The following CCDC122 variants were observed in gnomAD, a reference collection of about 807,000 sequenced individuals.
CCDC122 encodes coiled-coil domain-containing protein 122.
In CCDC122, 38 loss-of-function variants were observed where a neutral mutation model predicts 37.0. That is an observed-to-expected ratio of 1.03 (90% CI 0.79 to 1.35). The LOEUF is 1.35. Ranked by LOEUF, CCDC122 falls within the 40% of genes most tolerant of loss-of-function variation. CCDC122 has a pLI of 0.00. For synonymous variants in CCDC122, 83 were observed against 95.6 expected, an observed-to-expected ratio of 0.87 and a Z score of 0.77; for missense variants, 305 against 310.0, an observed-to-expected ratio of 0.98 and a Z score of 0.12.
intron 3 of CCDC122, among the ~76,000 whole-genome samples, chr13:43,825,948 T>C (rs1953036086): frequency 6.6e-6 from 1 of 152,102 alleles, no homozygotes. Flanking sequence ...TAAACATTTT[T>C]AGAAAAGAAG....
Position 43,836,406 on chromosome 13 carries a change from T to C in CCDC122, c.*874A>G, listed in dbSNP as rs1200956630. 1.3e-5 allele frequency: 2 copies of C among 152,246 alleles called. No homozygotes were observed. The highest frequency in any genetic ancestry group is 1.5e-5 in the Non-Finnish European group (1 of 68,020). The allele number at this position is 152,246 out of a possible 1,614,324, so 9.4% of individuals were successfully genotyped here. On this transcript the variant is annotated 3_prime_UTR_variant, in exon 7 of 7. Coordinates refer to ENST00000444614, the MANE Select transcript of CCDC122 (RefSeq NM_144974.5). ...CATCGTATCACTCAAAATATGTTAT[T>C]TTATAACAAAGAAAAATGATTGTTA... is the stretch of plus-strand genomic sequence containing the variant.
intron 3 of CCDC122, among the ~76,000 whole-genome samples, chr13:43,830,159 A>T (rs147188534): frequency 6.6e-5 from 10 of 152,306 alleles, no homozygotes; most frequent in South Asian, 2.1e-4. Flanking sequence ...TACAGGAGTG[A>T]GCCACCGCGC....
At chr13:43,869,147 A>T (rs1459230936) in intron 3 of CCDC122, among the ~76,000 whole-genome samples, 184 bp downstream of exon 3, 1 of 151,926 alleles carries the variant, frequency 6.6e-6, no homozygotes, top group Non-Finnish European at 1.5e-5. Flanking sequence ...ATGCATTTTC[A>T]TTGTAGGTCT....
At chr13:43,827,172 G>A (rs1402120398) in intron 3 of CCDC122, among the ~76,000 whole-genome samples, 1 of 152,114 alleles carries the variant, frequency 6.6e-6, no homozygotes. Flanking sequence ...CTTGTGGTTT[G>A]TTAAGCACAT....
In CCDC122 at chr13:43,837,357, G is replaced by A. The variant is rs779013443; in HGVS notation, c.745C>T (p.Arg249Ter). ...CQVNKLQSNR[R>*]QWQWNIQQLE... Reference sequence around the variant, plus strand: ...TGTTGAATGTTCCATTGCCACTGTCGTCTATTTGACTGAAGCTTGTTCACC... The same window carrying A: ...TGTTGAATGTTCCATTGCCACTGTCATCTATTTGACTGAAGCTTGTTCACC... The change falls in exon 7 of 7, where the codon CGA (arginine) becomes TGA (stop). Residue 249 changes from arginine to a stop codon, truncating the protein, a stop_gained. Coordinates refer to ENST00000444614, the MANE Select transcript of CCDC122 (RefSeq NM_144974.5). LOFTEE classifies it high-confidence loss of function. The A allele has an allele frequency of 3.2e-5, 51 of 1,613,666 alleles. No individual in the cohort carries two copies. Among genetic ancestry groups the A allele is most frequent in the East Asian group, 8.9e-5 (4 of 44,858 alleles).
intron 3 of CCDC122, among the ~76,000 whole-genome samples, chr13:43,826,861 A>G (rs1953045154): frequency 6.6e-6 from 1 of 152,212 alleles, no homozygotes; most frequent in Non-Finnish European, 1.5e-5. Flanking sequence ...AAATTTCATA[A>G]TCATGCATAG....
At chr13:43,876,838 C>T (rs903982068) in intron 1 of CCDC122, among the ~76,000 whole-genome samples, 2 of 152,106 alleles carry the variant, frequency 1.3e-5, no homozygotes, top group Non-Finnish European at 2.9e-5. Flanking sequence ...TAAAATATAG[C>T]GGTGGCTCAT....
At chr13:43,879,269 C>T (rs1954787554) in intron 1 of CCDC122, 1 of 153,026 alleles carries the variant, frequency 6.5e-6, no homozygotes, top group Non-Finnish European at 1.5e-5. Context: ...TAGTTCCCCG[C>T]CCCGTGCCCT....
At position 43,848,739 on chromosome 13, in the gene CCDC122, C is replaced by A. The variant is rs1488359406; in HGVS notation, c.672+10042G>T. 17 of 585,712 alleles carry A rather than the reference C, an allele frequency of 2.9e-5. No homozygotes were observed. In the South Asian group the frequency reaches 1.1e-3, roughly 37 times the overall value. 36.3% of individuals were successfully genotyped at this position (585,712 alleles called of 1,614,324 possible). A position where few individuals can be genotyped will look rare whatever the true frequency, so the allele number is the denominator to read the frequency against. On this transcript the variant is annotated intron_variant, in intron 6 of 6. Transcript: ENST00000444614. ...AAAAAACATTTTTTATTTTTATGAA[C>A]CAAAAAATGTAAAAGCAAGATTAAT...
At chr13:43,820,494 A>G (rs1713450334), downstream of CCDC122, among the ~76,000 whole-genome samples, 1 of 152,210 alleles carries the variant, frequency 6.6e-6, no homozygotes, top group African/African-American at 2.4e-5. Flanking sequence ...TCACTGGTCA[A>G]AGATAGGGCT....
chr13:43,868,443 TTCTA>T (rs1954343273), intron 4 of CCDC122, among the ~76,000 whole-genome samples: 1 of 152,230 alleles, frequency 6.6e-6, no homozygotes, highest in Non-Finnish European at 1.5e-5. Context: ...TGTAAAATAA[TTCTA>T]TCTAACATGT....
chr13:43,822,563 G>C (rs938792296), downstream of CCDC122, among the ~76,000 whole-genome samples: 1 of 152,260 alleles, frequency 6.6e-6, no homozygotes, highest in Non-Finnish European at 1.5e-5. Flanking sequence ...GTCCAAAGAT[G>C]CTGTCTGGGA....
rs1953178612 is a variant in CCDC122 at position 43,836,842 on chromosome 13, G to A, written c.*438C>T. 1 of 124,612 alleles carries A rather than the reference G, an allele frequency of 8.0e-6. No individual in the cohort carries two copies. The highest frequency in any genetic ancestry group is 1.6e-5 in the Non-Finnish European group (1 of 61,464). 7.7% of individuals were successfully genotyped at this position (124,612 alleles called of 1,614,324 possible). ...TCCGCAGTCCGGCCTGGGCGACAGA[G>A]CGAGACTCCGTCTCAAAAAAAAAAA... On this transcript the variant is annotated 3_prime_UTR_variant, in exon 7 of 7. Transcript: ENST00000444614.
chr13:43,820,565 A>G (rs1029582207), downstream of CCDC122, among the ~76,000 whole-genome samples: 1 of 152,214 alleles, frequency 6.6e-6, no homozygotes, highest in Non-Finnish European at 1.5e-5. Context: ...AAAATCTACG[A>G]GTTAATTATA....
At chr13:43,832,129 C>CAA (rs11323501), downstream of CCDC122, among the ~76,000 whole-genome samples, 5 of 117,008 alleles carry the variant, frequency 4.3e-5, no homozygotes, top group Non-Finnish European at 3.7e-5. Context: ...ATTTATCAGC[C>CAA]AAAAAAAAAA....
intron 6 of CCDC122, among the ~76,000 whole-genome samples, chr13:43,839,588 C>A (rs1346025996): frequency 6.6e-6 from 1 of 152,150 alleles, no homozygotes; most frequent in African/African-American, 2.4e-5. Context: ...TATATGTTTT[C>A]ACTTCTCAGG....
intron 6 of CCDC122, among the ~76,000 whole-genome samples, chr13:43,844,627 T>C (rs1953458532): frequency 6.6e-6 from 1 of 152,098 alleles, no homozygotes; most frequent in Non-Finnish European, 1.5e-5. Flanking sequence ...TTTTTTTCTT[T>C]GGTTCTGTTT....
intron 2 of CCDC122, among the ~76,000 whole-genome samples, chr13:43,874,077 A>G (rs1365685718): frequency 6.6e-6 from 1 of 152,218 alleles, no homozygotes; most frequent in African/African-American, 2.4e-5. Flanking sequence ...TTCTGGGAAG[A>G]TATGGTCTTT....
chr13:43,869,286 G>T, intron 3 of CCDC122, 45 bp downstream of exon 3: 3 of 1,432,420 alleles, frequency 2.1e-6, no homozygotes, highest in East Asian at 2.3e-5. Context: ...CTTTTTTGTT[G>T]TTGCTGATCT....
Sources: allele counts gnomAD v4.1 joint callset (sites outside exome capture counted in the v4.1 genomes callset), GRCh38; gene constraint gnomAD v4.1.1; transcripts MANE v1.5; gene names NCBI Gene and HGNC (gene_info 2026-07-23, HGNC 2026-07-21).